Variants in IGF2 observed in about 807,000 individuals in gnomAD.
The protein encoded by IGF2 is insulin like growth factor 2, also known as insulin-like growth factor 2.
In IGF2, 2 loss-of-function variants were observed where a neutral mutation model predicts 12.0. That is an observed-to-expected ratio of 0.17 (90% CI 0.07 to 0.52). The LOEUF (loss-of-function observed/expected upper bound fraction) is 0.52, where lower values mean the gene tolerates loss of function less well. Ranked by LOEUF, IGF2 falls within the 20% of genes least tolerant of loss-of-function variation. The pLI is 0.95. For synonymous variants in IGF2, 105 were observed against 110.1 expected (o/e 0.95, Z 0.29); for missense variants, 211 against 268.0 (o/e 0.79, Z 1.48).
rs1858669509 is a variant in IGF2, at chr11:2,132,458, A to T, written c.*529T>A. The T allele has an allele frequency of 1.0e-5, 2 of 191,520 alleles. No homozygotes were observed. Among genetic ancestry groups the T allele is most frequent in the Non-Finnish European group, 2.2e-5 (2 of 91,520 alleles). The allele number at this position is 191,520 out of a possible 1,614,324, so 11.9% of individuals were successfully genotyped here. On this transcript the variant is annotated 3_prime_UTR_variant, in exon 4 of 4. Transcript: ENST00000416167. ...CTCAAGTCCAGGCCAATTTGACTCA[A>T]AGTCCAAGGGAGAAGAGAAAGAGGG...
intron 2 of IGF2, among the ~76,000 whole-genome samples, chr11:2,134,964 G>A (rs1302550416): frequency 6.6e-6 from 1 of 152,186 alleles, no homozygotes; most frequent in African/African-American, 2.4e-5. Context: ...ATCATTCACC[G>A]AACGCACGTC....
chr11:2,148,979 G>T, the IGF2 span: 7 of 717,042 alleles, frequency 9.8e-6, no homozygotes, highest in Non-Finnish European at 1.6e-5. This position sits in a 1 kb window ranked among gnomAD's most constrained non-coding sequence, Gnocchi z 4.3. Context: ...CTCTCAGGAG[G>T]CTTCCCTGCA....
At chr11:2,140,803 G>C (rs753962437), upstream of IGF2, 1 of 311,384 alleles carries the variant, frequency 3.2e-6, no homozygotes, top group Non-Finnish European at 6.1e-6. Flanking sequence ...GATGCGGGCC[G>C]AGAGCCGGTC....
upstream of IGF2, among the ~76,000 whole-genome samples, chr11:2,142,044 G>C (rs1859630203): frequency 1.3e-5 from 2 of 152,130 alleles, no homozygotes; most frequent in African/African-American, 4.8e-5. This position sits in a 1 kb window ranked among gnomAD's most constrained non-coding sequence, Gnocchi z 5.7. Flanking sequence ...TGGAAACCTA[G>C]TTAGTAGCTA....
chr11:2,149,088 G>A, the IGF2 span: 7 of 1,587,028 alleles, frequency 4.4e-6, no homozygotes, highest in East Asian at 1.1e-4. Flanking sequence ...TTAAAGTGCA[G>A]CTTTTCTCTC....
chr11:2,145,768 T>C (rs1364319111), upstream of IGF2, among the ~76,000 whole-genome samples: 1 of 151,934 alleles, frequency 6.6e-6, no homozygotes, highest in African/African-American at 2.4e-5. Context: ...GCCTGCTGAG[T>C]GCTCTCCTTA....
In IGF2 at chr11:2,139,040, G is replaced by C. The variant is rs1438559282; in HGVS notation, c.-818C>G. 1.7e-5 allele frequency: 14 copies of C among 838,026 alleles called. No homozygotes were observed. Among genetic ancestry groups the C allele is most frequent in the Non-Finnish European group, 2.0e-5 (14 of 702,576 alleles). The allele number at this position is 838,026 out of a possible 1,614,324, so 51.9% of individuals were successfully genotyped here. ...GGGAGCGGCCCGAGGCTGCGCGCCG[G>C]GGGGAGGGCTGGAGGGGGAGCGCGG... On this transcript the variant is annotated 5_prime_UTR_variant, in exon 1 of 4. Coordinates refer to ENST00000416167, the MANE Select transcript of IGF2 (RefSeq NM_000612.6).
At position 2,129,471 on chromosome 11, in the gene IGF2, C is replaced by T. The variant is rs535588189; in HGVS notation, c.*3516G>A. On this transcript the variant is annotated 3_prime_UTR_variant, in exon 4 of 4. Transcript: ENST00000416167. The surrounding 1 kb of genome is among the most constrained non-coding windows in gnomAD (Gnocchi z 8.1). ...AAACCTGGGGACGCAAGGGGCTGGT[C>T]GGCAAGTGCCCCCGGGAACACCCAC... The T allele has an allele frequency of 2.6e-5, 6 of 229,066 alleles. No individual in the cohort carries two copies. Among genetic ancestry groups the T allele is most frequent in the African/African-American group, 8.9e-5 (4 of 45,134 alleles). 14.2% of individuals were successfully genotyped at this position (229,066 alleles called of 1,614,324 possible).
chr11:2,129,184 AT>A lies in IGF2; in HGVS notation c.*3802del. 5.2e-6 allele frequency: 1 copy of A among 191,862 alleles called. No homozygotes were observed. The highest frequency in any genetic ancestry group is 1.1e-5 in the Non-Finnish European group (1 of 91,594). The allele number at this position is 191,862 out of a possible 1,614,324, so 11.9% of individuals were successfully genotyped here. ...GTTAAAGACAAAACCCAAGCATGGG[AT>A]TTTGCCGGAAATATTAGCGTTAAAG... On this transcript the variant is annotated 3_prime_UTR_variant, in exon 4 of 4. Coordinates refer to ENST00000416167, the MANE Select transcript of IGF2 (RefSeq NM_000612.6). This position sits in a 1 kb window ranked among gnomAD's most constrained non-coding sequence, Gnocchi z 8.1.
the IGF2 span, chr11:2,148,080 G>C: frequency 1.1e-5 from 4 of 351,012 alleles, no homozygotes; most frequent in Non-Finnish European, 1.5e-5. The surrounding 1 kb of genome is among the most constrained non-coding windows in gnomAD (Gnocchi z 4.3). Context: ...CTGTTGGACA[G>C]GCTGCCCTGT....
Position 2,131,567 on chromosome 11 carries a change from TTGTG to T in IGF2, c.*1416_*1419del, listed in dbSNP as rs60649995. ...GTGTGTGCATGTGTGTGCTGTGTGT[TTGTG>T]TGTGTGCTGTGTTCATGTGTGCTGT... On this transcript the variant is annotated 3_prime_UTR_variant, in exon 4 of 4. Transcript: ENST00000416167. 19 of 224,386 alleles carry T rather than the reference TTGTG, an allele frequency of 8.5e-5. No individual in the cohort carries two copies. Among genetic ancestry groups the T allele is most frequent in the Middle Eastern group, 1.3e-3 (1 of 770 alleles). 13.9% of individuals were successfully genotyped at this position (224,386 alleles called of 1,614,324 possible). A position where few individuals can be genotyped will look rare whatever the true frequency, so the allele number is the denominator to read the frequency against.
In IGF2 at chr11:2,133,468, C is replaced by G. The variant is rs1156674702; in HGVS notation, c.306+49G>C. On this transcript the variant is annotated intron_variant, in intron 3 of 3. Coordinates refer to ENST00000416167, the MANE Select transcript of IGF2 (RefSeq NM_000612.6). This position sits in a 1 kb window ranked among gnomAD's most constrained non-coding sequence, Gnocchi z 8.9. ...CACAGGAAACGCTGGGCGCCCGAAGCCCTATTTCTCTGTCTCTAGAGAGTG... is the reference window on the plus strand; with the variant it reads ...CACAGGAAACGCTGGGCGCCCGAAGGCCTATTTCTCTGTCTCTAGAGAGTG... 1 of 1,554,178 alleles carries G rather than the reference C, an allele frequency of 6.4e-7. No homozygotes were observed. Among genetic ancestry groups the G allele is most frequent in the Non-Finnish European group, 8.7e-7 (1 of 1,151,384 alleles).
At chr11:2,134,728 G>C (rs546092533) in intron 2 of IGF2, among the ~76,000 whole-genome samples, 51 of 152,188 alleles carry the variant, frequency 3.4e-4, no homozygotes, top group African/African-American at 1.2e-3. Context: ...TGGGGGTGGG[G>C]TCTCAAGGAC....
In IGF2 at chr11:2,133,562, G is replaced by A. The variant is rs1242884716; in HGVS notation, c.261C>T (p.Pro87=). 1.5e-5 allele frequency: 24 copies of A among 1,613,016 alleles called. No individual in the cohort carries two copies. The highest frequency in any genetic ancestry group is 3.3e-5 in the South Asian group (3 of 91,062). ...LALLETYCAT[P]AKSERDVSTP... The stretch of plus-strand genomic sequence containing the variant: ...TCGACACGTCCCTCTCGGACTTGGC[G>A]GGGGTAGCACAGTACGTCTCCAGGA... The change falls in exon 3 of 4, where the codon CCC becomes CCT. Residue 87 remains proline, a synonymous_variant. Coordinates refer to ENST00000416167, the MANE Select transcript of IGF2 (RefSeq NM_000612.6). This position sits in a 1 kb window ranked among gnomAD's most constrained non-coding sequence, Gnocchi z 8.9.
upstream of IGF2, among the ~76,000 whole-genome samples, chr11:2,139,653 G>T (rs1317293592): frequency 6.6e-6 from 1 of 150,844 alleles, no homozygotes; most frequent in East Asian, 2.0e-4. Flanking sequence ...GCCGCAGAGC[G>T]CCAAGGCCAT....
chr11:2,133,189 A>G lies in IGF2; in HGVS notation c.341T>C (p.Phe114Ser), dbSNP rs1301744036. Reference sequence around the variant, plus strand: ...GGACTGCTTCCAGGTGTCATATTGGAAGAACTTGCCCACGGGGTATCTGGG... The same window carrying G: ...GGACTGCTTCCAGGTGTCATATTGGGAGAACTTGCCCACGGGGTATCTGGG... Reference protein sequence around the residue: ...NFPRYPVGKFFQYDTWKQSTQ... With the variant: ...NFPRYPVGKFSQYDTWKQSTQ... The change falls in exon 4 of 4, where the codon TTC (phenylalanine) becomes TCC (serine). Residue 114 changes from phenylalanine to serine, a missense_variant. By Grantham distance (155) the Phe-to-Ser change is radical (BLOSUM62 -2). Transcript: ENST00000416167. This position sits in a 1 kb window ranked among gnomAD's most constrained non-coding sequence, Gnocchi z 8.9. The G allele has an allele frequency of 1.3e-6, 2 of 1,574,476 alleles. No homozygotes were observed. The highest frequency in any genetic ancestry group is 4.6e-5 in the East Asian group (2 of 43,858).
chr11:2,138,392 G>GA lies in IGF2; in HGVS notation c.-171_-170insT. ...AGCGGGGGGATGGCTTTTTTTTGGG[G>GA]GGGGGGGGAGAATTCGTCTGATTGT... On this transcript the variant is annotated 5_prime_UTR_variant, in exon 1 of 4. Transcript: ENST00000416167. The GA allele has an allele frequency of 1.8e-6, 1 of 545,254 alleles. No individual in the cohort carries two copies. The highest frequency in any genetic ancestry group is 2.3e-6 in the Non-Finnish European group (1 of 431,058). The allele number at this position is 545,254 out of a possible 1,614,324, so 33.8% of individuals were successfully genotyped here.
At position 2,138,331 on chromosome 11, in the gene IGF2, G is replaced by C. The variant is rs1024898442; in HGVS notation, c.-109C>G. On this transcript the variant is annotated 5_prime_UTR_variant, in exon 1 of 4. Transcript: ENST00000416167. ...GACACTCCTCTGCCAGCGCCGCTCT[G>C]GCCGAGTCGCGGGGGCCGAATGTGC... is the stretch of plus-strand genomic sequence containing the variant. 2.7e-5 allele frequency: 27 copies of C among 984,534 alleles called. No homozygotes were observed. The highest frequency in any genetic ancestry group is 3.0e-5 in the Non-Finnish European group (25 of 829,474). The allele number at this position is 984,534 out of a possible 1,614,324, so 61.0% of individuals were successfully genotyped here.
In IGF2 at chr11:2,131,959, T is replaced by C. The variant is rs1858627121; in HGVS notation, c.*1028A>G. ...GTGTGTGTGCCGTGCGTTTGTGTGCTGTGTGTGCATGTGTGTGCGTGTGTG... is the reference window on the plus strand; with the variant it reads ...GTGTGTGTGCCGTGCGTTTGTGTGCCGTGTGTGCATGTGTGTGCGTGTGTG... On this transcript the variant is annotated 3_prime_UTR_variant, in exon 4 of 4. Transcript: ENST00000416167. 1 of 173,670 alleles carries C rather than the reference T, an allele frequency of 5.8e-6. No individual in the cohort carries two copies. The highest frequency in any genetic ancestry group is 1.1e-5 in the Non-Finnish European group (1 of 87,166). 10.8% of individuals were successfully genotyped at this position (173,670 alleles called of 1,614,324 possible).
Sources: gnomAD v4.1 joint callset for allele counts (sites outside exome capture counted in the v4.1 genomes callset) on GRCh38, gnomAD v4.1.1 for gene constraint, Gnocchi (gnomAD v3.1) non-coding constraint, MANE v1.5 for transcripts, NCBI Gene and HGNC (gene_info 2026-07-23, HGNC 2026-07-21) for gene names.